Variants in CYSLTR1 observed in about 807,000 individuals in gnomAD.
The protein encoded by CYSLTR1 is G-protein coupled receptor HG55.
In CYSLTR1, 1 loss-of-function variant was observed where a neutral mutation model predicts 2.1. The ratio of observed to expected loss-of-function variants is 0.48; its 90% CI spans 0.17 to 2.28. CYSLTR1 has a LOEUF of 2.28. CYSLTR1 is among the 30% of genes most tolerant of loss of function. The pLI, the probability that CYSLTR1 is intolerant of heterozygous loss-of-function variation, is 0.26. For synonymous variants in CYSLTR1, 110 were observed against 89.6 expected (o/e 1.23, Z -1.28); for missense variants, 299 against 250.1 (o/e 1.20, Z -1.32).
intron 2 of CYSLTR1, among the ~76,000 whole-genome samples, chrX:78,275,459 C>G (rs1332344155): frequency 1.8e-5 from 2 of 110,601 alleles, no homozygotes; most frequent in Non-Finnish European, 3.8e-5. Context: ...AATCATCATT[C>G]TCAGTAAACT....
intron 1 of CYSLTR1, among the ~76,000 whole-genome samples, chrX:78,327,068 A>G (rs749586812): frequency 9.9e-5 from 11 of 111,523 alleles, no homozygotes; most frequent in African/African-American, 3.6e-4. Flanking sequence ...TCTCCTCTGT[A>G]TTTTGCCACG....
chrX:78,276,076 A>G (rs1430819896), intron 2 of CYSLTR1, among the ~76,000 whole-genome samples: 1 of 112,375 alleles, frequency 8.9e-6, no homozygotes, highest in Non-Finnish European at 1.9e-5. Context: ...CGTTGTAGCC[A>G]TTCATTCTTG....
chrX:78,291,879 G>A (rs1203241944), intron 1 of CYSLTR1, among the ~76,000 whole-genome samples: 6 of 93,461 alleles, frequency 6.4e-5, no homozygotes, highest in South Asian at 5.4e-4. Context: ...TCTTGCTAGC[G>A]GTCTATCAAT....
intron 1 of CYSLTR1, among the ~76,000 whole-genome samples, chrX:78,287,300 A>C (rs1440834838): frequency 1.8e-5 from 2 of 112,091 alleles, no homozygotes; most frequent in Non-Finnish European, 3.8e-5. Flanking sequence ...CATTTGCTAA[A>C]TGGAAAAGCT....
intron 2 of CYSLTR1, among the ~76,000 whole-genome samples, chrX:78,278,060 T>C (rs762459756): frequency 1.8e-5 from 2 of 111,849 alleles, no homozygotes; most frequent in African/African-American, 6.5e-5. Flanking sequence ...AAAGATAAAA[T>C]AGCCCTTTTA....
In CYSLTR1 at chrX:78,273,113, T is replaced by C. The variant is rs1356355616; in HGVS notation, c.634A>G (p.Ile212Val). The change falls in exon 3 of 3, where the codon ATC becomes GTC. Residue 212 changes from isoleucine (I) to valine (V), a missense_variant. By Grantham distance (29) the Ile-to-Val change is conservative (BLOSUM62 3). Transcript: ENST00000373304. ...GATTTTTTTAGTAAGGTCAAAATGA[T>C]CATTGTGTAACAGACAATTATAATA... The part of the protein sequence containing the change: ...FVIIIVCYTM[I>V]ILTLLKKSMK... 8.3e-7 allele frequency: 1 copy of C among 1,207,217 alleles called. No individual in the cohort carries two copies. The highest frequency in any genetic ancestry group is 1.1e-6 in the Non-Finnish European group (1 of 893,623).
chrX:78,296,576 C>T (rs1397320870), intron 1 of CYSLTR1, among the ~76,000 whole-genome samples: 1 of 111,572 alleles, frequency 9.0e-6, no homozygotes, highest in Non-Finnish European at 1.9e-5. Flanking sequence ...ATTTCTTTCA[C>T]CAGTATCTTA....
chrX:78,300,914 A>T (rs1299118979), intron 1 of CYSLTR1, among the ~76,000 whole-genome samples: 1 of 112,536 alleles, frequency 8.9e-6, no homozygotes, highest in East Asian at 2.8e-4. Flanking sequence ...CATCCTCTGA[A>T]ATCTAGCTGG....
intron 2 of CYSLTR1, among the ~76,000 whole-genome samples, chrX:78,277,293 C>T (rs750941843): frequency 1.8e-5 from 2 of 111,462 alleles, no homozygotes; most frequent in Non-Finnish European, 3.8e-5. Flanking sequence ...CCTGGCCACA[C>T]CTGCTTGCAG....
At chrX:78,307,445 A>T (rs1603411554) in intron 1 of CYSLTR1, among the ~76,000 whole-genome samples, 1 of 111,783 alleles carries the variant, frequency 8.9e-6, no homozygotes, top group Non-Finnish European at 1.9e-5. Flanking sequence ...ATCAGGAGAG[A>T]TATCTCTCCT....
chrX:78,293,815 G>A (rs1346031070), intron 1 of CYSLTR1, among the ~76,000 whole-genome samples: 1 of 111,813 alleles, frequency 8.9e-6, no homozygotes, highest in African/African-American at 3.3e-5. Context: ...CATGTGCCAT[G>A]GTTTTCAGCT....
At chrX:78,310,370 C>T (rs1016764217) in intron 1 of CYSLTR1, among the ~76,000 whole-genome samples, 7 of 111,908 alleles carry the variant, frequency 6.3e-5, no homozygotes, top group African/African-American at 1.3e-4. Context: ...TGCCCTTTGT[C>T]GTCATCACTA....
intron 1 of CYSLTR1, chrX:78,319,891 G>T (rs368544959): frequency 3.6e-5 from 4 of 111,869 alleles, no homozygotes; most frequent in South Asian, 3.7e-4. Context: ...TCATGTGTCT[G>T]TTGGCTGCAT....
At chrX:78,315,715 A>T (rs1260933674) in intron 1 of CYSLTR1, among the ~76,000 whole-genome samples, 1 of 111,950 alleles carries the variant, frequency 8.9e-6, no homozygotes, top group African/African-American at 3.2e-5. Context: ...GCATTTTGTA[A>T]TTTGAGTGCC....
At chrX:78,282,432 C>T (rs1921881160) in intron 2 of CYSLTR1, among the ~76,000 whole-genome samples, 1 of 112,201 alleles carries the variant, frequency 8.9e-6, no homozygotes, top group Admixed American at 9.5e-5. Flanking sequence ...AATGATAGGA[C>T]AAGTTTAACA....
chrX:78,279,395 T>G (rs1921738986), intron 2 of CYSLTR1, among the ~76,000 whole-genome samples: 1 of 111,612 alleles, frequency 9.0e-6, no homozygotes, highest in Non-Finnish European at 1.9e-5. Flanking sequence ...AAAACCACAG[T>G]GAGATACCAT....
intron 1 of CYSLTR1, among the ~76,000 whole-genome samples, chrX:78,296,662 G>A (rs1162487077): frequency 9.0e-6 from 1 of 110,718 alleles, no homozygotes; most frequent in African/African-American, 3.3e-5. Context: ...TCTTGTAATA[G>A]GATTACTTTT....
At chrX:78,297,620 G>A (rs1020889870) in intron 1 of CYSLTR1, among the ~76,000 whole-genome samples, 3 of 111,229 alleles carry the variant, frequency 2.7e-5, no homozygotes, top group Admixed American at 9.5e-5. Flanking sequence ...TAGGTTGCAC[G>A]TGTCTAGCAA....
chrX:78,322,506 T>C (rs957252753), intron 1 of CYSLTR1, among the ~76,000 whole-genome samples: 1 of 112,007 alleles, frequency 8.9e-6, no homozygotes, highest in Non-Finnish European at 1.9e-5. Context: ...TGTTTATTGA[T>C]TGACTACAGT....
Sources: allele counts gnomAD v4.1 joint callset (sites outside exome capture counted in the v4.1 genomes callset), GRCh38; gene constraint gnomAD v4.1.1; transcripts MANE v1.5; gene names NCBI Gene and HGNC (gene_info 2026-07-23, HGNC 2026-07-21).